CFAP61: variants seen among roughly 807,000 people sequenced by gnomAD.
CFAP61 encodes cilia and flagella associated protein 61, also known as cilia- and flagella-associated protein 61.
In CFAP61, 107 loss-of-function variants were observed where a neutral mutation model predicts 135.6. That is an observed-to-expected ratio of 0.79 (90% CI 0.67 to 0.93). The LOEUF (loss-of-function observed/expected upper bound fraction) is 0.93, where lower values mean the gene tolerates loss of function less well. Among genes scored for constraint, CFAP61 ranks in the 40% least tolerant of loss-of-function variants. The probability of loss-of-function intolerance (pLI) is 0.00; values close to 1 mark genes in which losing one functional copy is unlikely to be tolerated. For synonymous variants in CFAP61, 575 were observed against 578.5 expected (o/e 0.99, Z 0.09); for missense variants, 1,507 against 1,556.2 (o/e 0.97, Z 0.53).
intron 17 of CFAP61, among the ~76,000 whole-genome samples, chr20:20,226,544 T>C (rs1041525217): frequency 2.0e-5 from 3 of 152,174 alleles, no homozygotes; most frequent in African/African-American, 7.2e-5. Context: ...AACTGAAGAG[T>C]CCAAAGGTAG....
intron 16 of CFAP61, among the ~76,000 whole-genome samples, chr20:20,199,481 G>A (rs886837148): frequency 8.5e-5 from 13 of 152,072 alleles, no homozygotes; most frequent in Admixed American, 2.0e-4. Flanking sequence ...ATATCCTCCC[G>A]GGGAAAATAC....
At chr20:20,166,214 A>G (rs2053816397) in intron 11 of CFAP61, among the ~76,000 whole-genome samples, 183 bp from the exon 12 acceptor site, 2 of 152,224 alleles carry the variant, frequency 1.3e-5, no homozygotes, top group African/African-American at 2.4e-5. Context: ...TCTGCAGAAT[A>G]CTTTATTACT....
intron 13 of CFAP61, among the ~76,000 whole-genome samples, chr20:20,182,864 G>A (rs948047565): frequency 6.6e-6 from 1 of 152,172 alleles, no homozygotes; most frequent in Non-Finnish European, 1.5e-5. Context: ...AATGCAACAG[G>A]AGGAGATGTG....
intron 17 of CFAP61, chr20:20,200,697 A>T (rs2056570372): frequency 1.0e-6 from 1 of 985,410 alleles, no homozygotes; most frequent in African/African-American, 1.7e-5. Context: ...AAAAAAGGAA[A>T]GTGTAAGTTT....
chr20:20,078,920 A>G (rs2046242854), intron 6 of CFAP61, among the ~76,000 whole-genome samples: 1 of 152,238 alleles, frequency 6.6e-6, no homozygotes, highest in Non-Finnish European at 1.5e-5. Flanking sequence ...TATCACTTAC[A>G]GATCCTACAG....
At chr20:20,129,500 C>G (rs1475093867) in intron 8 of CFAP61, among the ~76,000 whole-genome samples, 2 of 151,526 alleles carry the variant, frequency 1.3e-5, no homozygotes, top group African/African-American at 4.9e-5. Context: ...TCTCTTTATT[C>G]TTGACTTTTG....
At chr20:20,194,264 A>G (rs1475144962) in intron 15 of CFAP61, among the ~76,000 whole-genome samples, 1 of 152,060 alleles carries the variant, frequency 6.6e-6, no homozygotes, top group Non-Finnish European at 1.5e-5. Context: ...ATCATTTTAG[A>G]TTTCCTCAAT....
At chr20:20,235,083 C>T (rs1240310376) in intron 18 of CFAP61, among the ~76,000 whole-genome samples, 1 of 152,120 alleles carries the variant, frequency 6.6e-6, no homozygotes, top group Non-Finnish European at 1.5e-5. Flanking sequence ...GTGGAGGATG[C>T]CCTCTTCCCC....
At chr20:20,287,858 G>A (rs948348461) in intron 22 of CFAP61, among the ~76,000 whole-genome samples, 4 of 152,228 alleles carry the variant, frequency 2.6e-5, no homozygotes, top group African/African-American at 9.6e-5. Context: ...TGTGGAAGAC[G>A]ATGTCCAGAT....
intron 18 of CFAP61, among the ~76,000 whole-genome samples, chr20:20,240,183 C>T (rs532833755): frequency 6.6e-6 from 1 of 152,262 alleles, no homozygotes; most frequent in East Asian, 1.9e-4. Context: ...AGATTTAGAG[C>T]TCAGAAGAAT....
At position 20,169,399 on chromosome 20, in the gene CFAP61, C is replaced by G; in HGVS notation, c.1324C>G (p.Pro442Ala). 1 of 1,613,942 alleles carries G rather than the reference C, an allele frequency of 6.2e-7. No individual in the cohort carries two copies. ...CATCCAGAACTTCGTGAAAATGGTCCCTTTCAACACCTGCACCCTCGAGCA... is the reference window on the plus strand; with the variant it reads ...CATCCAGAACTTCGTGAAAATGGTCGCTTTCAACACCTGCACCCTCGAGCA... ...FLIQNFVKMV[P>A]FNTCTLEQDL... The change falls in exon 13 of 27, where the codon CCT becomes GCT. Residue 442 changes from proline (P) to alanine (A), a missense_variant. Coordinates refer to ENST00000245957, the MANE Select transcript of CFAP61 (RefSeq NM_015585.4).
At chr20:20,298,472 C>T (rs964110764) in intron 25 of CFAP61, 86 bp downstream of exon 25, 5 of 1,164,438 alleles carry the variant, frequency 4.3e-6, no homozygotes, top group Admixed American at 4.1e-5. Context: ...GTGATGCACC[C>T]GAGAGCAAAA....
At chr20:20,185,066 G>A (rs929475195) in intron 13 of CFAP61, among the ~76,000 whole-genome samples, 8 of 152,204 alleles carry the variant, frequency 5.3e-5, no homozygotes, top group African/African-American at 1.9e-4. Context: ...CTTTTACTGG[G>A]AGTGCAAGCT....
intron 25 of CFAP61, among the ~76,000 whole-genome samples, chr20:20,304,399 C>T (rs2056326629): frequency 6.6e-6 from 1 of 151,636 alleles, no homozygotes; most frequent in Non-Finnish European, 1.5e-5. Context: ...TTGTTGCTTT[C>T]TGAACCAACC....
At chr20:20,337,384 G>A (rs1377833043) in intron 25 of CFAP61, among the ~76,000 whole-genome samples, 16 of 141,036 alleles carry the variant, frequency 1.1e-4, no homozygotes, top group South Asian at 2.2e-4. Context: ...ATGGATGGAT[G>A]GATGGATGGA....
intron 8 of CFAP61, among the ~76,000 whole-genome samples, chr20:20,138,455 G>T (rs1442134692): frequency 2.0e-5 from 3 of 151,260 alleles, no homozygotes; most frequent in Non-Finnish European, 4.4e-5. Flanking sequence ...TCCCTCTTGG[G>T]GTGCCAGCTG....
intron 8 of CFAP61, among the ~76,000 whole-genome samples, chr20:20,102,221 A>G (rs1254261347): frequency 6.6e-6 from 1 of 152,186 alleles, no homozygotes; most frequent in Non-Finnish European, 1.5e-5. Context: ...TCCCAAATAA[A>G]TGGTTGTAAC....
At chr20:20,169,177 C>T (rs2054043338) in intron 12 of CFAP61, 144 bp from the exon 13 acceptor site, 2 of 720,756 alleles carry the variant, frequency 2.8e-6, no homozygotes, top group Non-Finnish European at 4.3e-6. Flanking sequence ...TGATTATTTT[C>T]CAAATTATAG....
intron 26 of CFAP61, among the ~76,000 whole-genome samples, chr20:20,350,355 G>A (rs1402360894): frequency 1.3e-5 from 2 of 152,214 alleles, no homozygotes; most frequent in African/African-American, 2.4e-5. Context: ...GAGGCCAGAC[G>A]TGGTGGTTCA....
Sources: gnomAD v4.1 joint callset for allele counts (sites outside exome capture counted in the v4.1 genomes callset) on GRCh38, gnomAD v4.1.1 for gene constraint, MANE v1.5 for transcripts, NCBI Gene and HGNC (gene_info 2026-07-23, HGNC 2026-07-21) for gene names.